B3GALT9: variants seen among roughly 807,000 people sequenced by gnomAD.
B3GALT9 encodes UDP-GlcNAc:betaGal beta-1,3-N-acetylglucosaminyltransferase 10 (putative).
chr9:120,793,543 G>T lies in B3GALT9; in HGVS notation c.-561G>T, dbSNP rs1394949999. On this transcript the variant is annotated 5_prime_UTR_variant, in exon 1 of 3. Transcript: ENST00000689072. ...GTAGGGGTGGGGAGAAGAGCGTCCC[G>T]GGAAGCTGAACGCGTGCCGCGCGGC... 5.0e-6 allele frequency: 2 copies of T among 400,032 alleles called. No homozygotes were observed. Among genetic ancestry groups the T allele is most frequent in the East Asian group, 7.1e-5 (2 of 28,072 alleles). The allele number at this position is 400,032 out of a possible 1,614,324, so 24.8% of individuals were successfully genotyped here.
At chr9:120,795,714 C>T (rs530112489) in intron 1 of B3GALT9, among the ~76,000 whole-genome samples, 42 of 152,234 alleles carry the variant, frequency 2.8e-4, no homozygotes, top group Middle Eastern at 3.4e-3. Flanking sequence ...AAGGAAAGGA[C>T]GAAATATAGC....
At chr9:120,796,953 A>T (rs1248282860) in intron 2 of B3GALT9, among the ~76,000 whole-genome samples, 1 of 152,034 alleles carries the variant, frequency 6.6e-6, no homozygotes, top group Non-Finnish European at 1.5e-5. Context: ...GCTACTTGGG[A>T]GGCTGAGGCA....
At chr9:120,797,985 G>T (rs994300800) in intron 2 of B3GALT9, among the ~76,000 whole-genome samples, 1 of 152,206 alleles carries the variant, frequency 6.6e-6, no homozygotes, top group Non-Finnish European at 1.5e-5. Context: ...TAGATTAGGA[G>T]CCATTGTCAA....
Position 120,799,272 on chromosome 9 carries a change from A to G in B3GALT9, c.704A>G (p.Glu235Gly), listed in dbSNP as rs187022590. The stretch of plus-strand genomic sequence containing the variant: ...TTTGTCCCTCTTAGTGAGTACCCAG[A>G]AAAATACTACCCAGATTACTGCAGT... ...RDFVPLSEYP[E>G]KYYPDYCSGE... The change falls in exon 3 of 3, where the codon GAA becomes GGA. Residue 235 changes from glutamate (E) to glycine (G), a missense_variant. Coordinates refer to ENST00000689072, the MANE Select transcript of B3GALT9 (RefSeq NM_001386823.1). 187 of 399,460 alleles carry G rather than the reference A, an allele frequency of 4.7e-4. No individual in the cohort carries two copies. Among genetic ancestry groups the G allele is most frequent in the African/African-American group, 3.6e-3 (174 of 48,732 alleles). The allele number at this position is 399,460 out of a possible 1,614,324, so 24.7% of individuals were successfully genotyped here. A position where few individuals can be genotyped will look rare whatever the true frequency, so the allele number is the denominator to read the frequency against.
intron 2 of B3GALT9, 104 bp from the exon 3 acceptor site, chr9:120,798,471 G>C (rs1194374379): frequency 2.5e-6 from 1 of 398,086 alleles, no homozygotes; most frequent in African/African-American, 2.1e-5. Context: ...ACTTAAAATA[G>C]AGTGTACTGC....
rs2044969635 is a variant in B3GALT9, at chr9:120,801,639, C to G, written c.*1961C>G. Reference sequence around the variant, plus strand: ...CCTGTAATCCCAGCTACGCGGGAGGCTGACACAGGAAAATCGCTTGAATCC... The same window carrying G: ...CCTGTAATCCCAGCTACGCGGGAGGGTGACACAGGAAAATCGCTTGAATCC... On this transcript the variant is annotated 3_prime_UTR_variant, in exon 3 of 3. Coordinates refer to ENST00000689072, the MANE Select transcript of B3GALT9 (RefSeq NM_001386823.1). 6.6e-6 allele frequency among the ~76,000 whole-genome samples: 1 copy of G among 152,224 alleles called. No homozygotes were observed. The highest frequency in any genetic ancestry group is 1.5e-5 in the Non-Finnish European group (1 of 68,048).
At position 120,798,600 on chromosome 9, in the gene B3GALT9, A is replaced by G; in HGVS notation, c.32A>G (p.His11Arg). 1 of 399,672 alleles carries G rather than the reference A, an allele frequency of 2.5e-6. No homozygotes were observed. The highest frequency in any genetic ancestry group is 4.4e-6 in the Non-Finnish European group (1 of 226,212). 24.8% of individuals were successfully genotyped at this position (399,672 alleles called of 1,614,324 possible). Residue 11 changes from histidine (H) to arginine (R), a missense_variant, in exon 3 of 3, where the codon CAC (histidine) becomes CGC (arginine). Transcript: ENST00000689072. MQVTFCRLRT[H>R]QWCFILFNVI... is the part of the protein sequence containing the mutation. ...GTGACTTTCTGCAGACTTCGGACTCACCAGTGGTGTTTCATTCTATTTAAT... is the reference window on the plus strand; with the variant it reads ...GTGACTTTCTGCAGACTTCGGACTCGCCAGTGGTGTTTCATTCTATTTAAT...
Position 120,799,903 on chromosome 9 carries a change from TTC to T in B3GALT9, c.*230_*231del. 1 of 358,348 alleles carries T rather than the reference TTC, an allele frequency of 2.8e-6. No homozygotes were observed. The highest frequency in any genetic ancestry group is 7.3e-4 in the Middle Eastern group (1 of 1,364). 22.2% of individuals were successfully genotyped at this position (358,348 alleles called of 1,614,324 possible). On this transcript the variant is annotated 3_prime_UTR_variant, in exon 3 of 3. Transcript: ENST00000689072. ...CATAATTCTTTTCAAAATGAAATAT[TTC>T]TCTCAAAAGAGAGAACATTATGTTT...
In B3GALT9 at chr9:120,801,192, A is replaced by G. The variant is rs2044967468; in HGVS notation, c.*1514A>G. The stretch of plus-strand genomic sequence containing the variant: ...TGTGGGGAGTGCAGATATCTCTTTA[A>G]CATACTGATTTAATATCTTTTGGAT... On this transcript the variant is annotated 3_prime_UTR_variant, in exon 3 of 3. Transcript: ENST00000689072. Among the ~76,000 whole-genome samples the G allele has an allele frequency of 6.6e-6, 1 of 152,208 alleles. No homozygotes were observed. The highest frequency in any genetic ancestry group is 6.5e-5 in the Admixed American group (1 of 15,284).
At chr9:120,797,900 C>T (rs1248441446) in intron 2 of B3GALT9, among the ~76,000 whole-genome samples, 1 of 152,150 alleles carries the variant, frequency 6.6e-6, no homozygotes, top group African/African-American at 2.4e-5. Flanking sequence ...TAAGCTTGGC[C>T]TAGGTCTATC....
intron 1 of B3GALT9, among the ~76,000 whole-genome samples, chr9:120,795,127 A>G (rs1411439230): frequency 6.6e-6 from 1 of 152,240 alleles, no homozygotes; most frequent in Non-Finnish European, 1.5e-5. Flanking sequence ...TTGATTTGCT[A>G]AGCAACAGGA....
In B3GALT9 at chr9:120,800,472, G is replaced by T. The variant is rs1157111834; in HGVS notation, c.*794G>T. Among the ~76,000 whole-genome samples the T allele has an allele frequency of 2.0e-5, 3 of 150,752 alleles. No homozygotes were observed. Among genetic ancestry groups the T allele is most frequent in the African/African-American group, 7.3e-5 (3 of 40,948 alleles). ...GGGTTTCATGATGTTGCCCACGCTG[G>T]TCTTGAACTCCTGGGCTCAAGTGAT... is the stretch of plus-strand genomic sequence containing the variant. On this transcript the variant is annotated 3_prime_UTR_variant, in exon 3 of 3. Transcript: ENST00000689072.
Position 120,798,913 on chromosome 9 carries a change from G to A in B3GALT9, c.345G>A (p.Gly115=), listed in dbSNP as rs776699273. The A allele has an allele frequency of 7.0e-5, 28 of 398,910 alleles. No individual in the cohort carries two copies. Among genetic ancestry groups the A allele is most frequent in the Non-Finnish European group, 1.2e-4 (26 of 226,062 alleles). 24.7% of individuals were successfully genotyped at this position (398,910 alleles called of 1,614,324 possible). ...GGGGCAATGTGACCAGTGTCCAAGG[G>A]CATCCCATTCTCACACTGTTTGCTC... is the stretch of plus-strand genomic sequence containing the variant. ...KTWGNVTSVQ[G]HPILTLFALG... Residue 115 remains glycine (G), a synonymous_variant, in exon 3 of 3, where the codon GGG becomes GGA. Transcript: ENST00000689072.
At position 120,799,286 on chromosome 9, in the gene B3GALT9, G is replaced by A; in HGVS notation, c.718G>A (p.Asp240Asn). 1 of 399,492 alleles carries A rather than the reference G, an allele frequency of 2.5e-6. No individual in the cohort carries two copies. Among genetic ancestry groups the A allele is most frequent in the East Asian group, 3.6e-5 (1 of 28,076 alleles). 24.7% of individuals were successfully genotyped at this position (399,492 alleles called of 1,614,324 possible). The change falls in exon 3 of 3, where the codon GAT becomes AAT. Residue 240 changes from aspartate (D) to asparagine (N), a missense_variant. Transcript: ENST00000689072. ...TGAGTACCCAGAAAAATACTACCCA[G>A]ATTACTGCAGTGGTGAGGCCTTTAT... Reference protein sequence around the residue: ...LSEYPEKYYPDYCSGEAFIMS... With the variant: ...LSEYPEKYYPNYCSGEAFIMS...
chr9:120,795,845 C>T (rs1409605959), intron 1 of B3GALT9, among the ~76,000 whole-genome samples: 1 of 152,162 alleles, frequency 6.6e-6, no homozygotes, highest in Non-Finnish European at 1.5e-5. Flanking sequence ...GGGATAATTC[C>T]TACACATGCA....
Position 120,800,010 on chromosome 9 carries a change from C to T in B3GALT9, c.*332C>T, listed in dbSNP as rs546899927. Reference sequence around the variant, plus strand: ...TGTCACCCAGGCTGGAGTGCAGTGGCGCAATCTCGACTCACTGCAACCTCC... The same window carrying T: ...TGTCACCCAGGCTGGAGTGCAGTGGTGCAATCTCGACTCACTGCAACCTCC... On this transcript the variant is annotated 3_prime_UTR_variant, in exon 3 of 3. Transcript: ENST00000689072. The T allele has an allele frequency of 5.2e-3, 828 of 159,336 alleles. 11 individuals carry two copies. Among genetic ancestry groups the T allele is most frequent in the African/African-American group, 0.019 (777 of 41,200 alleles). 9.9% of individuals were successfully genotyped at this position (159,336 alleles called of 1,614,324 possible). A position where few individuals can be genotyped will look rare whatever the true frequency, so the allele number is the denominator to read the frequency against.
intron 2 of B3GALT9, among the ~76,000 whole-genome samples, chr9:120,797,915 A>T (rs1328091685): frequency 6.6e-6 from 1 of 152,238 alleles, no homozygotes; most frequent in African/African-American, 2.4e-5. Flanking sequence ...TCTATCTTAC[A>T]TCTCTGAAGA....
intron 2 of B3GALT9, among the ~76,000 whole-genome samples, chr9:120,797,965 A>C (rs1418375202): frequency 6.6e-6 from 1 of 152,220 alleles, no homozygotes; most frequent in Non-Finnish European, 1.5e-5. Context: ...ATATTGATGG[A>C]AATGTCAGAT....
intron 2 of B3GALT9, among the ~76,000 whole-genome samples, chr9:120,796,985 AG>A (rs1433225547): frequency 1.4e-5 from 2 of 147,614 alleles, no homozygotes; most frequent in East Asian, 4.2e-4. Context: ...TGAACCTGGG[AG>A]GCGGAGGTTG....
Sources: gnomAD v4.1 joint callset for allele counts (sites outside exome capture counted in the v4.1 genomes callset) on GRCh38, gnomAD v4.1.1 for gene constraint, MANE v1.5 for transcripts, NCBI Gene and HGNC (gene_info 2026-07-23, HGNC 2026-07-21) for gene names.